PCDHGA2: variants seen among roughly 807,000 people sequenced by gnomAD.
PCDHGA2 encodes protocadherin gamma subfamily A, 2.
In PCDHGA2, 40 loss-of-function variants were observed where a neutral mutation model predicts 59.2. The observed-to-expected ratio is 0.68, with a 90% CI of 0.52 to 0.88. The LOEUF is 0.88. Ranked by LOEUF, PCDHGA2 falls within the 40% of genes least tolerant of loss-of-function variation. PCDHGA2 has a pLI of 0.00. For missense variants in PCDHGA2, 1,226 were observed against 1,204.0 expected (o/e 1.02, Z -0.27); for synonymous variants, 560 against 526.0 (o/e 1.06, Z -0.89).
At chr5:141,374,469 A>G in intron 1 of PCDHGA2, 1 of 1,612,698 alleles carries the variant, frequency 6.2e-7, no homozygotes, top group Non-Finnish European at 8.5e-7. Flanking sequence ...ATTAATGACA[A>G]TACACCCCGA....
At chr5:141,447,238 C>G (rs1028683423) in intron 1 of PCDHGA2, among the ~76,000 whole-genome samples, 2 of 152,148 alleles carry the variant, frequency 1.3e-5, no homozygotes, top group Non-Finnish European at 2.9e-5. Context: ...CTCCCGGGTT[C>G]AAGTGATTCT....
chr5:141,374,977 T>C, intron 1 of PCDHGA2: 2 of 1,614,020 alleles, frequency 1.2e-6, no homozygotes, highest in Non-Finnish European at 1.7e-6. Flanking sequence ...ATGTTTTGAC[T>C]GGAGAAATTT....
Position 141,491,620 on chromosome 5 carries a change from A to C in PCDHGA2, c.2425-3187A>C. On this transcript the variant is annotated intron_variant, in intron 1 of 3. Coordinates refer to ENST00000394576, the MANE Select transcript of PCDHGA2 (RefSeq NM_018915.4). This position sits in a 1 kb window ranked among gnomAD's most constrained non-coding sequence, Gnocchi z 6.9. ...TGACTTCACTTTTCTAAGACCCCTC[A>C]GCGTTCAGCAGCCCACAGCTCTGGC... is the stretch of plus-strand genomic sequence containing the variant. 6.2e-7 allele frequency: 1 copy of C among 1,613,906 alleles called. No individual in the cohort carries two copies. The highest frequency in any genetic ancestry group is 1.1e-5 in the South Asian group (1 of 91,084).
At chr5:141,407,625 T>C (rs1354209573) in intron 1 of PCDHGA2, among the ~76,000 whole-genome samples, 2 of 152,220 alleles carry the variant, frequency 1.3e-5, no homozygotes, top group African/African-American at 4.8e-5. Context: ...ACATTCTATA[T>C]CTCGTATTAC....
chr5:141,359,973 A>C, intron 1 of PCDHGA2: 1 of 703,560 alleles, frequency 1.4e-6, no homozygotes, highest in Non-Finnish European at 2.1e-6. Flanking sequence ...AGCGTTTGGG[A>C]GCCTCTTAGA....
chr5:141,464,824 G>A (rs1329087889), intron 1 of PCDHGA2, among the ~76,000 whole-genome samples: 2 of 151,816 alleles, frequency 1.3e-5, no homozygotes, highest in African/African-American at 2.4e-5. Context: ...CTGTAGCCTC[G>A]CACTCCTGGG....
chr5:141,472,850 G>A (rs1230517294), intron 1 of PCDHGA2, among the ~76,000 whole-genome samples: 1 of 151,876 alleles, frequency 6.6e-6, no homozygotes, highest in Admixed American at 6.6e-5. Flanking sequence ...GCTGGGCATG[G>A]TGGCACATGC....
intron 1 of PCDHGA2, chr5:141,395,096 C>G (rs769366827): frequency 5.6e-6 from 9 of 1,614,186 alleles, no homozygotes; most frequent in Middle Eastern, 1.6e-4. Flanking sequence ...CCCTCACCGC[C>G]GACTCGCGGA....
intron 1 of PCDHGA2, chr5:141,371,290 G>A (rs1233908065): frequency 6.2e-7 from 1 of 1,613,998 alleles, no homozygotes; most frequent in Non-Finnish European, 8.5e-7. Flanking sequence ...AGTAAAACGG[G>A]GGAACTCACC....
At chr5:141,410,560 A>C (rs769354927) in intron 1 of PCDHGA2, 42 of 1,612,824 alleles carry the variant, frequency 2.6e-5, no homozygotes, top group Non-Finnish European at 3.5e-5. Context: ...TTTCTCCTGG[A>C]GCCTTAATTC....
At chr5:141,496,808 G>A (rs1387209844) in intron 2 of PCDHGA2, among the ~76,000 whole-genome samples, 3 of 151,736 alleles carry the variant, frequency 2.0e-5, no homozygotes, top group South Asian at 4.2e-4. Flanking sequence ...GGCTATAGGA[G>A]TGAACAAGTA....
intron 1 of PCDHGA2, chr5:141,388,958 C>T (rs767426744): frequency 7.4e-6 from 12 of 1,613,930 alleles, no homozygotes; most frequent in East Asian, 2.2e-5. Context: ...TGGAGGACGC[C>T]GAGCTGGGAA....
intron 1 of PCDHGA2, chr5:141,433,267 C>T (rs1462399366): frequency 7.7e-7 from 1 of 1,305,096 alleles, no homozygotes; most frequent in Non-Finnish European, 1.1e-6. Context: ...GATCATAGCT[C>T]ACTGCAGCCT....
intron 1 of PCDHGA2, chr5:141,478,117 C>G (rs1419172538): frequency 1.3e-5 from 21 of 1,614,058 alleles, no homozygotes; most frequent in Non-Finnish European, 1.7e-5. Context: ...TGTCAGTAAC[C>G]GAGGACTCTC....
intron 2 of PCDHGA2, among the ~76,000 whole-genome samples, chr5:141,496,468 C>T (rs1410143575): frequency 2.0e-5 from 3 of 152,126 alleles, no homozygotes; most frequent in Non-Finnish European, 4.4e-5. Context: ...AGTTATCTTT[C>T]CCCCATCCTG....
intron 1 of PCDHGA2, chr5:141,405,437 T>C: frequency 7.0e-7 from 1 of 1,433,230 alleles, no homozygotes; most frequent in Non-Finnish European, 9.6e-7. Flanking sequence ...GTTTTGTTTT[T>C]GAGACAGAGT....
chr5:141,360,891 G>A (rs1293108757), intron 1 of PCDHGA2: 11 of 1,613,912 alleles, frequency 6.8e-6, no homozygotes, highest in Non-Finnish European at 6.8e-6. Flanking sequence ...TCACCCTGAG[G>A]GAGGACGTGC....
chr5:141,494,897 C>T (rs1194879883), intron 2 of PCDHGA2, 32 bp downstream of exon 2: 2 of 1,614,122 alleles, frequency 1.2e-6, no homozygotes, highest in South Asian at 2.2e-5. Flanking sequence ...CCACCCTCTT[C>T]TCTGCGGCAT....
intron 1 of PCDHGA2, among the ~76,000 whole-genome samples, chr5:141,458,663 G>A (rs1045303205): frequency 2.6e-5 from 4 of 151,804 alleles, no homozygotes; most frequent in Admixed American, 6.6e-5. Context: ...TCCACCTCTC[G>A]GGTTCAAGCA....
Sources: allele counts gnomAD v4.1 joint callset (sites outside exome capture counted in the v4.1 genomes callset), GRCh38; gene constraint gnomAD v4.1.1; non-coding constraint Gnocchi (gnomAD v3.1); transcripts MANE v1.5; gene names NCBI Gene and HGNC (gene_info 2026-07-23, HGNC 2026-07-21).